ITPRID1: variants seen among roughly 807,000 people sequenced by gnomAD.
ITPRID1 encodes the protein protein ITPRID1.
A neutral mutation model predicts 95.4 loss-of-function variants in ITPRID1; 96 were observed. The observed-to-expected ratio is 1.01, with a 90% CI of 0.85 to 1.19. ITPRID1 has a LOEUF of 1.19. Ranked by LOEUF, ITPRID1 falls within the 50% of genes most tolerant of loss-of-function variation. The pLI is 0.00. For synonymous variants in ITPRID1, 510 were observed against 453.6 expected (o/e 1.12, Z -1.58); for missense variants, 1,339 against 1,252.9 (o/e 1.07, Z -1.04).
At chr7:31,550,921 T>TC (rs1372166806) in intron 2 of ITPRID1, among the ~76,000 whole-genome samples, 2 of 143,186 alleles carry the variant, frequency 1.4e-5, no homozygotes, top group African/African-American at 4.9e-5. Context: ...GAAAAAGCAG[T>TC]CACTAACTTA....
chr7:31,610,404 T>C (rs1303766091), intron 10 of ITPRID1, among the ~76,000 whole-genome samples: 2 of 151,784 alleles, frequency 1.3e-5, no homozygotes, highest in African/African-American at 2.4e-5. Flanking sequence ...ATGTAACACA[T>C]AGTATAATGG....
intron 1 of ITPRID1, among the ~76,000 whole-genome samples, chr7:31,528,238 G>A (rs1783484964): frequency 6.6e-6 from 1 of 152,158 alleles, no homozygotes; most frequent in African/African-American, 2.4e-5. Flanking sequence ...GATAATCAAA[G>A]TATGGGTAAT....
intron 1 of ITPRID1, among the ~76,000 whole-genome samples, chr7:31,519,803 A>T (rs1034339937): frequency 1.3e-5 from 2 of 151,614 alleles, no homozygotes; most frequent in Non-Finnish European, 2.9e-5. Flanking sequence ...AATAGTTTTC[A>T]ATATAGACAA....
intron 10 of ITPRID1, among the ~76,000 whole-genome samples, chr7:31,621,809 G>A (rs966382385): frequency 2.7e-5 from 4 of 150,942 alleles, no homozygotes; most frequent in Non-Finnish European, 5.9e-5. Flanking sequence ...GACACAGACT[G>A]GCAAATTGGA....
intron 12 of ITPRID1, among the ~76,000 whole-genome samples, chr7:31,645,139 A>T (rs1012250618): frequency 6.6e-6 from 1 of 152,214 alleles, no homozygotes; most frequent in Non-Finnish European, 1.5e-5. Context: ...TTCAGATTCA[A>T]TTTGGGTAAC....
intron 10 of ITPRID1, among the ~76,000 whole-genome samples, chr7:31,602,561 A>G (rs528616997): frequency 6.6e-6 from 1 of 152,184 alleles, no homozygotes; most frequent in Non-Finnish European, 1.5e-5. Flanking sequence ...AGTTCCCAGT[A>G]GGACACCACA....
intron 10 of ITPRID1, among the ~76,000 whole-genome samples, chr7:31,599,390 A>G (rs1786247104): frequency 6.6e-6 from 1 of 152,186 alleles, no homozygotes; most frequent in South Asian, 2.1e-4. Context: ...GCACAAAAAT[A>G]TGAAAGGGAA....
intron 2 of ITPRID1, among the ~76,000 whole-genome samples, chr7:31,552,368 G>T (rs1784309365): frequency 2.0e-5 from 2 of 102,420 alleles, no homozygotes; most frequent in Non-Finnish European, 4.9e-5. Context: ...CCATAAAATT[G>T]TGACAATTAT....
intron 10 of ITPRID1, among the ~76,000 whole-genome samples, chr7:31,625,138 G>T (rs1161634272): frequency 6.6e-6 from 1 of 152,112 alleles, no homozygotes; most frequent in Non-Finnish European, 1.5e-5. Context: ...TGCTGGAGAG[G>T]ATGTGGAGAA....
intron 5 of ITPRID1, among the ~76,000 whole-genome samples, chr7:31,559,886 G>A (rs1040437645): frequency 1.3e-5 from 2 of 152,172 alleles, no homozygotes; most frequent in Non-Finnish European, 2.9e-5. Context: ...ACAGGAACAC[G>A]AAGTTTCTGA....
At chr7:31,625,331 AT>A (rs1332061029) in intron 10 of ITPRID1, among the ~76,000 whole-genome samples, 2 of 152,058 alleles carry the variant, frequency 1.3e-5, no homozygotes, top group Non-Finnish European at 2.9e-5. Flanking sequence ...TCATATGTTT[AT>A]TGCGGCACTA....
rs544937180 is a variant in ITPRID1, at chr7:31,606,727, C to T, written c.1228+23536C>T. On this transcript the variant is annotated intron_variant, in intron 10 of 14. Coordinates refer to ENST00000615280, the MANE Select transcript of ITPRID1 (RefSeq NM_001257967.3). Reference sequence around the variant, plus strand: ...TCATCAGGAAAATTGAAGGGGAAACCGAAAATTTACATGGAGATGTTGAAA... The same window carrying T: ...TCATCAGGAAAATTGAAGGGGAAACTGAAAATTTACATGGAGATGTTGAAA... Among the ~76,000 whole-genome samples the T allele has an allele frequency of 1.2e-4, 18 of 151,932 alleles. No individual in the cohort carries two copies. In the South Asian group the frequency reaches 2.5e-3, roughly 21 times the overall value.
intron 1 of ITPRID1, among the ~76,000 whole-genome samples, chr7:31,534,478 C>T (rs1229722069): frequency 6.6e-6 from 1 of 152,094 alleles, no homozygotes; most frequent in Non-Finnish European, 1.5e-5. Flanking sequence ...ATTGAGTCTT[C>T]TTGATTTGAC....
At chr7:31,636,026 G>A (rs904162797) in intron 10 of ITPRID1, among the ~76,000 whole-genome samples, 1 of 152,164 alleles carries the variant, frequency 6.6e-6, no homozygotes, top group African/African-American at 2.4e-5. Context: ...ACGGCAGAAG[G>A]CACTTTTTCA....
chr7:31,620,296 G>A (rs900270598), intron 10 of ITPRID1, among the ~76,000 whole-genome samples: 2 of 152,082 alleles, frequency 1.3e-5, no homozygotes, highest in African/African-American at 4.8e-5. Flanking sequence ...AGAACGGGCA[G>A]ACTGCCTCCT....
Position 31,602,203 on chromosome 7 carries a change from A to G in ITPRID1, c.1228+19012A>G, listed in dbSNP as rs561044368. On this transcript the variant is annotated intron_variant, in intron 10 of 14. Transcript: ENST00000615280. ...GGCAATTTTATCATTGTTATAAATAAGTAATTGTACTGGGGAGAAGGGATA... is the reference window on the plus strand; with the variant it reads ...GGCAATTTTATCATTGTTATAAATAGGTAATTGTACTGGGGAGAAGGGATA... Among the ~76,000 whole-genome samples, 31 of 152,302 alleles carry G rather than the reference A, an allele frequency of 2.0e-4. No homozygotes were observed. In the South Asian group the frequency reaches 6.2e-3, roughly 31 times the overall value.
intron 10 of ITPRID1, among the ~76,000 whole-genome samples, chr7:31,625,749 G>A (rs1476325259): frequency 8.6e-5 from 13 of 151,796 alleles, no homozygotes; most frequent in African/African-American, 3.1e-4. Context: ...TTGTGCACAT[G>A]TACCCTAAAC....
At chr7:31,585,827 G>C (rs888649775) in intron 10 of ITPRID1, among the ~76,000 whole-genome samples, 34 of 152,074 alleles carry the variant, frequency 2.2e-4, no homozygotes, top group African/African-American at 6.8e-4. Context: ...AAAGAAGCAT[G>C]ACAAATCTTT....
At position 31,583,200 on chromosome 7, in the gene ITPRID1, T is replaced by C; in HGVS notation, c.1228+9T>C. 6.3e-7 allele frequency: 1 copy of C among 1,595,758 alleles called. No individual in the cohort carries two copies. The highest frequency in any genetic ancestry group is 8.6e-7 in the Non-Finnish European group (1 of 1,164,450). ...GACTTCAGGAACTGTAGGTAAGAAT[T>C]CATCAAGGTGTGTGATCTCATCAAT... is the stretch of plus-strand genomic sequence containing the variant. On this transcript the variant is annotated intron_variant, in intron 10 of 14. Transcript: ENST00000615280.
Sources: allele counts gnomAD v4.1 joint callset (sites outside exome capture counted in the v4.1 genomes callset), GRCh38; gene constraint gnomAD v4.1.1; transcripts MANE v1.5; gene names NCBI Gene and HGNC (gene_info 2026-07-23, HGNC 2026-07-21).